CSMD1: variants seen among roughly 807,000 people sequenced by gnomAD.
CSMD1 encodes the protein CUB and sushi domain-containing protein 1.
Under a neutral mutation model 417.5 loss-of-function variants are expected in CSMD1, and 213 were observed. The observed-to-expected ratio is 0.51, with a 90% CI of 0.46 to 0.57. The LOEUF (loss-of-function observed/expected upper bound fraction) is 0.57, where lower values mean the gene tolerates loss of function less well. Ranked by LOEUF, CSMD1 falls within the 20% of genes least tolerant of loss-of-function variation. The pLI is 0.00. For missense variants in CSMD1, 6,923 were observed against 4,529.7 expected (o/e 1.53, Z -15.17); for synonymous variants, 2,862 against 1,736.8 (o/e 1.65, Z -16.11).
At chr8:4,008,696 C>A (rs1816324238) in intron 4 of CSMD1, among the ~76,000 whole-genome samples, 1 of 148,176 alleles carries the variant, frequency 6.7e-6, no homozygotes, top group African/African-American at 2.5e-5. Flanking sequence ...CTGCAAGCTC[C>A]CCATCCCGGG....
rs1173477825 is a variant in CSMD1, at chr8:3,772,498, C to CATTT, written c.819-18457_819-18456insAAAT. ...ATATATACATATATACACATATATA[C>CATTT]ATATATACACATATATACATATATA... On this transcript the variant is annotated intron_variant, in intron 5 of 69. Coordinates refer to ENST00000635120, the MANE Select transcript of CSMD1 (RefSeq NM_033225.6). Among the ~76,000 whole-genome samples, 7 of 11,938 alleles carry CATTT rather than the reference C, an allele frequency of 5.9e-4. 2 individuals carry two copies. The highest frequency in any genetic ancestry group is 9.3e-4 in the African/African-American group (4 of 4,322). The allele number at this position is 11,938 out of a possible 152,430, so 7.8% of individuals were successfully genotyped here.
chr8:4,364,228 T>G (rs1801940849), intron 3 of CSMD1, among the ~76,000 whole-genome samples: 1 of 152,190 alleles, frequency 6.6e-6, no homozygotes. Flanking sequence ...AAGTAGTTAA[T>G]TAACATTAAA....
intron 50 of CSMD1, among the ~76,000 whole-genome samples, chr8:3,035,530 A>C (rs764197917): frequency 6.6e-6 from 1 of 152,160 alleles, no homozygotes; most frequent in Non-Finnish European, 1.5e-5. Flanking sequence ...TTATTCTACA[A>C]ATGACTAAAA....
intron 2 of CSMD1, among the ~76,000 whole-genome samples, chr8:4,572,848 T>C (rs1030762619): frequency 2.0e-5 from 3 of 152,212 alleles, no homozygotes; most frequent in Non-Finnish European, 4.4e-5. Context: ...CTTGTCTTCA[T>C]GCTTTATTTC....
chr8:4,349,203 A>T (rs769597172), intron 3 of CSMD1, among the ~76,000 whole-genome samples: 3 of 152,236 alleles, frequency 2.0e-5, no homozygotes, highest in Non-Finnish European at 2.9e-5. Flanking sequence ...GATTTTAATC[A>T]GAATGACTAT....
At chr8:3,703,170 T>C (rs1210154203) in intron 7 of CSMD1, among the ~76,000 whole-genome samples, 2 of 152,214 alleles carry the variant, frequency 1.3e-5, no homozygotes, top group African/African-American at 4.8e-5. Context: ...AATCTTCTCA[T>C]TCTACACTTA....
chr8:4,018,859 G>A (rs1361525687), intron 4 of CSMD1, among the ~76,000 whole-genome samples: 1 of 152,162 alleles, frequency 6.6e-6, no homozygotes, highest in East Asian at 1.9e-4. Context: ...CTGTGATGGA[G>A]TCTCATCTAA....
intron 2 of CSMD1, among the ~76,000 whole-genome samples, chr8:4,526,166 A>G (rs958956111): frequency 2.2e-4 from 34 of 152,180 alleles, no homozygotes; most frequent in African/African-American, 7.5e-4. Context: ...GAGAACCAAC[A>G]TTTGTGATTT....
intron 33 of CSMD1, among the ~76,000 whole-genome samples, chr8:3,192,436 C>T (rs969606511): frequency 6.6e-6 from 1 of 152,182 alleles, no homozygotes; most frequent in African/African-American, 2.4e-5. Flanking sequence ...TAGTCTGATA[C>T]ACCTTCTACA....
chr8:4,262,380 G>A (rs1803948698), intron 3 of CSMD1, among the ~76,000 whole-genome samples: 1 of 152,186 alleles, frequency 6.6e-6, no homozygotes, highest in Non-Finnish European at 1.5e-5. Flanking sequence ...AGGCTGAAAG[G>A]AATCCCAAAC....
At chr8:4,064,358 C>T (rs1427686545) in intron 3 of CSMD1, among the ~76,000 whole-genome samples, 2 of 152,146 alleles carry the variant, frequency 1.3e-5, no homozygotes, top group Non-Finnish European at 2.9e-5. Flanking sequence ...CAAATTGTAT[C>T]TCTGTTTAGG....
chr8:4,396,507 C>T (rs939219196), intron 3 of CSMD1, among the ~76,000 whole-genome samples: 2 of 151,898 alleles, frequency 1.3e-5, no homozygotes, highest in African/African-American at 4.8e-5. Flanking sequence ...TATCGATTGC[C>T]AAAAGCATAC....
At chr8:3,885,624 T>C (rs1358809576) in intron 5 of CSMD1, among the ~76,000 whole-genome samples, 1 of 152,188 alleles carries the variant, frequency 6.6e-6, no homozygotes, top group Non-Finnish European at 1.5e-5. Context: ...TCTGCTCCTT[T>C]CATTTCTTGC....
chr8:3,996,577 A>G (rs537582588), intron 5 of CSMD1, among the ~76,000 whole-genome samples: 2 of 152,266 alleles, frequency 1.3e-5, no homozygotes, highest in South Asian at 4.1e-4. Flanking sequence ...ATGAACTCTA[A>G]TGTTAGACAT....
chr8:4,115,215 A>G (rs1802070397), intron 3 of CSMD1, among the ~76,000 whole-genome samples: 1 of 152,242 alleles, frequency 6.6e-6, no homozygotes, highest in Non-Finnish European at 1.5e-5. Context: ...GTAAGTCAGC[A>G]GCCACCAACA....
At chr8:2,963,825 A>C (rs748144179) in intron 59 of CSMD1, among the ~76,000 whole-genome samples, 1 of 152,198 alleles carries the variant, frequency 6.6e-6, no homozygotes, top group Non-Finnish European at 1.5e-5. Context: ...GATGGCATAT[A>C]GTTTCCAAAA....
At chr8:4,440,982 G>A (rs894824574) in intron 2 of CSMD1, among the ~76,000 whole-genome samples, 1 of 144,646 alleles carries the variant, frequency 6.9e-6, no homozygotes, top group Admixed American at 7.1e-5. Flanking sequence ...AGATGACACA[G>A]TGAGACTCTA....
At chr8:3,004,473 T>A (rs547899558) in intron 52 of CSMD1, among the ~76,000 whole-genome samples, 1 of 152,204 alleles carries the variant, frequency 6.6e-6, no homozygotes, top group African/African-American at 2.4e-5. Context: ...AATTTATTAG[T>A]CTACTAGTAA....
At chr8:4,213,234 C>G (rs1440416025) in intron 3 of CSMD1, among the ~76,000 whole-genome samples, 2 of 152,158 alleles carry the variant, frequency 1.3e-5, no homozygotes, top group Admixed American at 1.3e-4. Flanking sequence ...TATGAACCAG[C>G]TGGGTGGCTC....
Sources: allele counts gnomAD v4.1 joint callset (sites outside exome capture counted in the v4.1 genomes callset), GRCh38; gene constraint gnomAD v4.1.1; transcripts MANE v1.5; gene names NCBI Gene and HGNC (gene_info 2026-07-23, HGNC 2026-07-21).